NAF1: variants seen among roughly 807,000 people sequenced by gnomAD.
The protein encoded by NAF1 is H/ACA ribonucleoprotein complex non-core subunit NAF1.
NAF1 carries 11 observed loss-of-function variants against 40.6 expected under a neutral mutation model. The ratio of observed to expected loss-of-function variants is 0.27; its 90% confidence interval spans 0.17 to 0.45. The LOEUF (loss-of-function observed/expected upper bound fraction) is 0.45, where lower values mean the gene tolerates loss of function less well. Among genes scored for constraint, NAF1 ranks in the 20% least tolerant of loss-of-function variants. The probability of loss-of-function intolerance (pLI) is 1.00; values close to 1 mark genes in which losing one functional copy is unlikely to be tolerated. For synonymous variants in NAF1, 260 were observed against 228.5 expected, an observed-to-expected ratio of 1.14 and a Z score of -1.24; for missense variants, 607 against 611.1, an observed-to-expected ratio of 0.99 and a Z score of 0.07.
chr4:163,120,973 C>G (rs1311443696), intron 2 of NAF1, among the ~76,000 whole-genome samples: 1 of 152,070 alleles, frequency 6.6e-6, no homozygotes, highest in Non-Finnish European at 1.5e-5. Flanking sequence ...CTCACTGCAA[C>G]CTCCGCCTCT....
intron 2 of NAF1, among the ~76,000 whole-genome samples, chr4:163,115,765 A>G (rs566602966): frequency 6.6e-6 from 1 of 152,330 alleles, no homozygotes; most frequent in Non-Finnish European, 1.5e-5. Flanking sequence ...AGTTCTTTCA[A>G]TATGACCACT....
intron 2 of NAF1, among the ~76,000 whole-genome samples, chr4:163,112,965 C>G (rs1730208436): frequency 6.6e-6 from 1 of 152,164 alleles, no homozygotes; most frequent in South Asian, 2.1e-4. Context: ...TACCAGACAG[C>G]ATGAGTGTTG....
downstream of NAF1, among the ~76,000 whole-genome samples, chr4:163,124,522 TATA>T (rs1730599520): frequency 1.3e-5 from 2 of 152,216 alleles, no homozygotes; most frequent in African/African-American, 4.8e-5. Flanking sequence ...TATAAATAGT[TATA>T]CTTTATTGTT....
chr4:163,125,009 C>G (rs945983591), downstream of NAF1, among the ~76,000 whole-genome samples: 2 of 152,190 alleles, frequency 1.3e-5, no homozygotes, highest in Non-Finnish European at 2.9e-5. Flanking sequence ...ATAGCGATCT[C>G]AATCAGTGAT....
intron 2 of NAF1, among the ~76,000 whole-genome samples, chr4:163,116,289 C>G (rs867227697): frequency 7.9e-5 from 12 of 152,112 alleles, no homozygotes; most frequent in South Asian, 4.2e-4. Flanking sequence ...GAAACTGCTA[C>G]CACAAGTGTC....
At chr4:163,137,378 A>C (rs1029621451) in intron 5 of NAF1, 128 bp from the exon 6 acceptor site, 1 of 931,650 alleles carries the variant, frequency 1.1e-6, no homozygotes, top group Non-Finnish European at 1.5e-6. Context: ...CAATACAGTT[A>C]TGTGTCTTTT....
At chr4:163,158,210 G>A (rs1018830064) in intron 2 of NAF1, 5 of 152,064 alleles carry the variant, frequency 3.3e-5, no homozygotes, top group African/African-American at 1.2e-4. Context: ...GGACATGCAC[G>A]TGGCAGCCAA....
In NAF1 at chr4:163,119,077, G is replaced by C. The variant is rs531623277; in HGVS notation, c.115-8787C>G. ...AGACACCTTAGCCTATTAGGCCTAT[G>C]AGAATGGTCTCATTCTGGTCTTCAT... On this transcript the variant is annotated intron_variant, in intron 2 of 2. Transcript: ENST00000509434. Among the ~76,000 whole-genome samples, 15 of 152,328 alleles carry C rather than the reference G, an allele frequency of 9.8e-5. 1 individual carries two copies. The South Asian group carries it at 3.1e-3, about 32-fold the overall frequency.
chr4:163,164,854 A>G (rs1732386673), intron 1 of NAF1, among the ~76,000 whole-genome samples: 1 of 152,228 alleles, frequency 6.6e-6, no homozygotes, highest in Admixed American at 6.5e-5. Context: ...CTCAGTTACG[A>G]AAGTATGTAG....
chr4:163,115,448 G>A (rs1022936930), intron 2 of NAF1, among the ~76,000 whole-genome samples: 11 of 151,788 alleles, frequency 7.2e-5, no homozygotes, highest in East Asian at 3.9e-4. Context: ...CACCCGCCTC[G>A]GCCTCCCAAA....
At position 163,164,260 on chromosome 4, in the gene NAF1, T is replaced by C; in HGVS notation, c.497A>G (p.Asn166Ser). 1 of 1,578,978 alleles carries C rather than the reference T, an allele frequency of 6.3e-7. No homozygotes were observed. Among genetic ancestry groups the C allele is most frequent in the Non-Finnish European group, 8.6e-7 (1 of 1,166,500 alleles). The change falls in exon 2 of 8, where the codon AAT becomes AGT. Residue 166 changes from asparagine to serine, a missense_variant. Coordinates refer to ENST00000274054, the MANE Select transcript of NAF1 (RefSeq NM_138386.3). ...GDDDLQIEKENKNFPLKTKDE... is the reference protein window; with the variant it reads ...GDDDLQIEKESKNFPLKTKDE... Reference sequence around the variant, plus strand: ...TTTTGTTTTAAGAGGAAAATTCTTATTTTCCTTCTCAATTTGTAAATCATC... The same window carrying C: ...TTTTGTTTTAAGAGGAAAATTCTTACTTTCCTTCTCAATTTGTAAATCATC...
At chr4:163,155,683 C>T (rs1450652652) in intron 2 of NAF1, among the ~76,000 whole-genome samples, 2 of 152,112 alleles carry the variant, frequency 1.3e-5, no homozygotes, top group African/African-American at 4.8e-5. Flanking sequence ...ACACCTGCTG[C>T]CCCTCCTAAG....
chr4:163,141,356 T>C (rs1435930375), intron 4 of NAF1, among the ~76,000 whole-genome samples: 1 of 152,142 alleles, frequency 6.6e-6, no homozygotes, highest in Non-Finnish European at 1.5e-5. Context: ...AAAAGCGAGA[T>C]AATATATGTA....
chr4:163,133,413 T>A (rs1027640597), intron 6 of NAF1, 157 bp from the exon 7 acceptor site: 1 of 559,336 alleles, frequency 1.8e-6, no homozygotes, highest in African/African-American at 1.9e-5. Context: ...GAATTAGACA[T>A]GGTATAAAAA....
chr4:163,165,051 C>T (rs1056088607), intron 1 of NAF1, among the ~76,000 whole-genome samples: 3 of 152,168 alleles, frequency 2.0e-5, no homozygotes, highest in African/African-American at 7.2e-5. Flanking sequence ...TAATCCCATA[C>T]ACATTAATGA....
At chr4:163,154,996 G>C (rs1731918003) in intron 2 of NAF1, among the ~76,000 whole-genome samples, 1 of 152,134 alleles carries the variant, frequency 6.6e-6, no homozygotes, top group South Asian at 2.1e-4. Flanking sequence ...TTTTTGGCAG[G>C]TTCAGAGAGA....
chr4:163,132,914 A>C (rs1235376690), intron 7 of NAF1, among the ~76,000 whole-genome samples: 1 of 152,248 alleles, frequency 6.6e-6, no homozygotes, highest in African/African-American at 2.4e-5. Flanking sequence ...GTATCTTAAG[A>C]AAAAAGTGCT....
chr4:163,113,669 T>A (rs1301709674), intron 2 of NAF1, among the ~76,000 whole-genome samples: 1 of 152,218 alleles, frequency 6.6e-6, no homozygotes, highest in African/African-American at 2.4e-5. Context: ...GGTTGTGGAT[T>A]AGGATTTAAA....
At position 163,128,793 on chromosome 4, in the gene NAF1, T is replaced by C; in HGVS notation, c.*104A>G. On this transcript the variant is annotated 3_prime_UTR_variant, in exon 8 of 8. Transcript: ENST00000274054. Reference sequence around the variant, plus strand: ...TACAACAGAAGGAATCATTTAGTATTTTACAGTGTTTTTAAAAATCTAGCT... The same window carrying C: ...TACAACAGAAGGAATCATTTAGTATCTTACAGTGTTTTTAAAAATCTAGCT... The C allele has an allele frequency of 7.5e-7, 1 of 1,337,460 alleles. No homozygotes were observed. The highest frequency in any genetic ancestry group is 9.9e-7 in the Non-Finnish European group (1 of 1,009,510). 82.8% of individuals were successfully genotyped at this position (1,337,460 alleles called of 1,614,324 possible).
Sources: allele counts gnomAD v4.1 joint callset (sites outside exome capture counted in the v4.1 genomes callset), GRCh38; gene constraint gnomAD v4.1.1; transcripts MANE v1.5; gene names NCBI Gene and HGNC (gene_info 2026-07-23, HGNC 2026-07-21).